UTS2B: variants seen among roughly 807,000 people sequenced by gnomAD.
UTS2B encodes the protein urotensin-2B.
UTS2B carries 21 observed loss-of-function variants against 19.2 expected under a neutral mutation model. That is an observed-to-expected ratio of 1.09 (90% CI 0.78 to 1.58). UTS2B has a LOEUF of 1.58. Ranked by LOEUF, UTS2B falls within the 40% of genes most tolerant of loss-of-function variation. UTS2B has a pLI of 0.00. For synonymous variants in UTS2B, 57 were observed against 50.2 expected (o/e 1.14, Z -0.58); for missense variants, 138 against 130.3 (o/e 1.06, Z -0.29).
the UTS2B span, among the ~76,000 whole-genome samples, chr3:191,343,173 G>C: frequency 6.6e-6 from 1 of 152,168 alleles, no homozygotes; most frequent in Admixed American, 6.5e-5. Context: ...TATCTGTGGG[G>C]GTGCTGGAAC....
intron 4 of UTS2B, among the ~76,000 whole-genome samples, chr3:191,284,472 C>A (rs993542636): frequency 5.9e-5 from 9 of 151,760 alleles, no homozygotes; most frequent in African/African-American, 1.9e-4. Context: ...CAGGCTAGCA[C>A]CACCATGTCT....
chr3:191,278,132 C>G lies in UTS2B; in HGVS notation c.142G>C (p.Glu48Gln). The G allele has an allele frequency of 6.4e-7, 1 of 1,563,614 alleles. No homozygotes were observed. The highest frequency in any genetic ancestry group is 8.6e-7 in the Non-Finnish European group (1 of 1,158,490). Residue 48 changes from glutamate to glutamine, a missense_variant, in exon 6 of 9, where the codon GAG becomes CAG. Transcript: ENST00000340524. Reference protein sequence around the residue: ...IFPDKKYTNREELLLALLNKN... With the variant: ...IFPDKKYTNRQELLLALLNKN... ...TTCAGTAGAGCCAGCAATAGTTCCT[C>G]ACGATTTGTATATTTTTTATCTGGA... is the stretch of plus-strand genomic sequence containing the variant.
At chr3:191,295,396 T>C (rs1716831369) in intron 4 of UTS2B, among the ~76,000 whole-genome samples, 1 of 151,998 alleles carries the variant, frequency 6.6e-6, no homozygotes, top group Non-Finnish European at 1.5e-5. Context: ...AGTTTTCTTT[T>C]TTTCTCCTAC....
At chr3:191,319,539 G>C (rs1353673184) in intron 2 of UTS2B, among the ~76,000 whole-genome samples, 3 of 151,980 alleles carry the variant, frequency 2.0e-5, no homozygotes, top group African/African-American at 7.3e-5. Context: ...TTAAGGTATA[G>C]GTTCTTTTTT....
At chr3:191,279,749 T>A (rs947998842) in intron 5 of UTS2B, among the ~76,000 whole-genome samples, 2 of 152,040 alleles carry the variant, frequency 1.3e-5, no homozygotes, top group Non-Finnish European at 2.9e-5. Flanking sequence ...CACTATCTCT[T>A]AAGAAAAAAA....
At chr3:191,270,884 A>C (rs1467678002) in intron 8 of UTS2B, among the ~76,000 whole-genome samples, 1 of 152,136 alleles carries the variant, frequency 6.6e-6, no homozygotes, top group Non-Finnish European at 1.5e-5. Context: ...TTTCTTCCTC[A>C]GGAAATGACC....
intron 4 of UTS2B, among the ~76,000 whole-genome samples, chr3:191,300,783 T>G (rs572580235): frequency 4.6e-5 from 7 of 152,318 alleles, no homozygotes; most frequent in South Asian, 2.1e-4. Context: ...AACTGCCCCC[T>G]CTCTCTCTTG....
chr3:191,304,379 C>T (rs1425105051), intron 4 of UTS2B, 113 bp downstream of exon 4: 3 of 152,216 alleles, frequency 2.0e-5, no homozygotes, highest in Non-Finnish European at 2.9e-5. Context: ...ATGTTGCTCA[C>T]CATCATCCCA....
Position 191,268,393 on chromosome 3 carries a change from T to C in UTS2B, c.*23A>G. ...TATATTTTCCTGATATTCTTATCTTTTTTTGCATCCAGAGAAAAAGCTTTA... is the reference window on the plus strand; with the variant it reads ...TATATTTTCCTGATATTCTTATCTTCTTTTGCATCCAGAGAAAAAGCTTTA... On this transcript the variant is annotated 3_prime_UTR_variant, in exon 9 of 9. Coordinates refer to ENST00000340524, the MANE Select transcript of UTS2B (RefSeq NM_198152.5). 6.4e-7 allele frequency: 1 copy of C among 1,550,474 alleles called. No homozygotes were observed. Among genetic ancestry groups the C allele is most frequent in the East Asian group, 2.3e-5 (1 of 44,042 alleles).
the UTS2B span, among the ~76,000 whole-genome samples, chr3:191,340,732 CAT>C: frequency 1.3e-5 from 2 of 152,194 alleles, no homozygotes; most frequent in African/African-American, 2.4e-5. Flanking sequence ...GTATAGGAAA[CAT>C]ATTCTCCCTC....
upstream of UTS2B, among the ~76,000 whole-genome samples, chr3:191,331,248 G>A (rs968042257): frequency 1.3e-5 from 2 of 152,154 alleles, no homozygotes; most frequent in Non-Finnish European, 2.9e-5. Context: ...GGTATGTATA[G>A]TATTAATCAT....
chr3:191,278,519 T>C (rs1310045334), intron 5 of UTS2B, among the ~76,000 whole-genome samples: 2 of 152,078 alleles, frequency 1.3e-5, no homozygotes, highest in Non-Finnish European at 2.9e-5. Context: ...AAGTATAAAC[T>C]AAAAGTAGTT....
chr3:191,313,710 C>G (rs1290466057), intron 3 of UTS2B, among the ~76,000 whole-genome samples: 1 of 148,108 alleles, frequency 6.8e-6, no homozygotes, highest in Non-Finnish European at 1.5e-5. Flanking sequence ...TAAGACAATG[C>G]ATTCCTCCAC....
chr3:191,301,483 ATTTT>A (rs750203551), intron 4 of UTS2B, among the ~76,000 whole-genome samples: 2 of 113,830 alleles, frequency 1.8e-5, no homozygotes. Context: ...ATTTTTGGTA[ATTTT>A]TTTTTTTTTT....
intron 5 of UTS2B, among the ~76,000 whole-genome samples, chr3:191,278,774 T>C (rs1161611803): frequency 1.3e-5 from 2 of 151,922 alleles, no homozygotes; most frequent in Non-Finnish European, 2.9e-5. Flanking sequence ...TTATCTTCAT[T>C]CTGGAGTAGA....
chr3:191,300,550 C>CTGAGAAGGGATGGCTGTATTGCAATG (rs1716970796), intron 4 of UTS2B, among the ~76,000 whole-genome samples: 1 of 152,178 alleles, frequency 6.6e-6, no homozygotes, highest in African/African-American at 2.4e-5. Flanking sequence ...TGGGGGACTG[C>CTGAGAAGGGATGGCTGTATTGCAATG]TGAGAAGGGA....
At chr3:191,297,349 T>C (rs1716882966) in intron 4 of UTS2B, among the ~76,000 whole-genome samples, 1 of 152,156 alleles carries the variant, frequency 6.6e-6, no homozygotes, top group African/African-American at 2.4e-5. Context: ...CACTGTTCAG[T>C]AGAGAGAGGA....
Position 191,321,737 on chromosome 3 carries a change from G to A in UTS2B, c.-585-5298C>T, listed in dbSNP as rs368582128. ...GTATATATGATATATAAAAATATAT[G>A]TGACTAGGGCCAGGTGCGGTGGCTC... is the stretch of plus-strand genomic sequence containing the variant. On this transcript the variant is annotated intron_variant, in intron 2 of 8. Coordinates refer to ENST00000340524, the MANE Select transcript of UTS2B (RefSeq NM_198152.5). 3.4e-4 allele frequency among the ~76,000 whole-genome samples: 51 copies of A among 152,234 alleles called. No individual in the cohort carries two copies. The South Asian group carries it at 9.8e-3, about 29-fold the overall frequency.
intron 3 of UTS2B, among the ~76,000 whole-genome samples, chr3:191,309,631 T>C (rs927874688): frequency 7.2e-5 from 11 of 152,120 alleles, no homozygotes; most frequent in African/African-American, 2.7e-4. Flanking sequence ...TGGGAGGTAA[T>C]TGGATCACAG....
Sources: gnomAD v4.1 joint callset for allele counts (sites outside exome capture counted in the v4.1 genomes callset) on GRCh38, gnomAD v4.1.1 for gene constraint, MANE v1.5 for transcripts, NCBI Gene and HGNC (gene_info 2026-07-23, HGNC 2026-07-21) for gene names.